The following SPPL2A variants were observed in gnomAD, a reference collection of about 807,000 sequenced individuals.
SPPL2A encodes signal peptide peptidase-like 2A.
In SPPL2A, 51 loss-of-function variants were observed where a neutral mutation model predicts 63.8. That is an observed-to-expected ratio of 0.80 (90% CI 0.64 to 1.01). The LOEUF (loss-of-function observed/expected upper bound fraction) is 1.01, where lower values mean the gene tolerates loss of function less well. Ranked by LOEUF, SPPL2A falls within the 50% of genes least tolerant of loss-of-function variation. The pLI is 0.00. For synonymous variants in SPPL2A, 188 were observed against 205.8 expected, an observed-to-expected ratio of 0.91 and a Z score of 0.74; for missense variants, 553 against 622.7, an observed-to-expected ratio of 0.89 and a Z score of 1.19.
chr15:50,760,611 T>C (rs1015370513), intron 1 of SPPL2A, among the ~76,000 whole-genome samples: 8 of 152,116 alleles, frequency 5.3e-5, no homozygotes, highest in Admixed American at 5.3e-4. Context: ...CCCGTCTTCA[T>C]GAGCTCATCT....
intron 13 of SPPL2A, 73 bp from the exon 14 acceptor site, chr15:50,720,173 T>C: frequency 8.4e-7 from 1 of 1,194,402 alleles, no homozygotes; most frequent in Non-Finnish European, 1.2e-6. Flanking sequence ...CTGTCATTTA[T>C]GTACTGGTTT....
At chr15:50,752,561 T>C (rs2062918014) in intron 1 of SPPL2A, among the ~76,000 whole-genome samples, 1 of 151,896 alleles carries the variant, frequency 6.6e-6, no homozygotes, top group Non-Finnish European at 1.5e-5. Flanking sequence ...GTACTAAAAA[T>C]ACAAGAATTA....
intron 1 of SPPL2A, among the ~76,000 whole-genome samples, chr15:50,754,772 C>T (rs28470795): frequency 9.2e-5 from 14 of 151,662 alleles, no homozygotes; most frequent in Non-Finnish European, 1.0e-4. Context: ...CAACTGAGGT[C>T]GGGTGTTTGA....
chr15:50,709,783 C>G (rs1235099596), intron 14 of SPPL2A, among the ~76,000 whole-genome samples: 1 of 151,498 alleles, frequency 6.6e-6, no homozygotes, highest in African/African-American at 2.4e-5. Context: ...GAGAGAGAGA[C>G]CCTGTCTCAA....
rs1596387346 is a variant in SPPL2A, at chr15:50,736,280, C to T, written c.831-78G>A. The T allele has an allele frequency of 3.8e-5, 33 of 857,516 alleles. No individual in the cohort carries two copies. The East Asian group carries it at 7.9e-4, about 20-fold the overall frequency. The allele number at this position is 857,516 out of a possible 1,614,324, so 53.1% of individuals were successfully genotyped here. On this transcript the variant is annotated intron_variant, in intron 7 of 14. Transcript: ENST00000261854. Reference sequence around the variant, plus strand: ...TGATATAAGAAGTAGCAAATATTAACCACAGTCATAAGAAGTGACTGAAAT... The same window carrying T: ...TGATATAAGAAGTAGCAAATATTAATCACAGTCATAAGAAGTGACTGAAAT...
intron 14 of SPPL2A, among the ~76,000 whole-genome samples, chr15:50,710,012 T>G (rs2062544172): frequency 6.6e-6 from 1 of 152,160 alleles, no homozygotes; most frequent in Admixed American, 6.5e-5. Flanking sequence ...TGTTGAACAT[T>G]TAATTTTAGT....
chr15:50,732,781 G>A, intron 8 of SPPL2A, 97 bp from the exon 9 acceptor site: 1 of 710,808 alleles, frequency 1.4e-6, no homozygotes, highest in African/African-American at 1.8e-5. Flanking sequence ...TAATTGCTAT[G>A]ATTTGACTAT....
intron 10 of SPPL2A, 61 bp from the exon 11 acceptor site, chr15:50,726,438 C>A: frequency 6.7e-7 from 1 of 1,492,290 alleles, no homozygotes; most frequent in South Asian, 1.1e-5. Context: ...TGCCACTATT[C>A]AAGTGTGATT....
chr15:50,745,917 G>A (rs1326824556), intron 5 of SPPL2A, among the ~76,000 whole-genome samples: 3 of 151,874 alleles, frequency 2.0e-5, no homozygotes, highest in Admixed American at 6.6e-5. Flanking sequence ...CAGGCATGGT[G>A]GCAGGCACCT....
chr15:50,726,249 A>C, intron 11 of SPPL2A, 72 bp downstream of exon 11: 1 of 1,532,302 alleles, frequency 6.5e-7, no homozygotes, highest in Non-Finnish European at 9.0e-7. Context: ...TGAATTACAC[A>C]GGAAGGCAAA....
At position 50,704,437 on chromosome 15, in the gene SPPL2A, C is replaced by T. The variant is rs976169872; in HGVS notation, c.*3363G>A. ...CCCACAAGCCTCACATTTATTTTTG[C>T]TAAACTAAACTGAGACAAAAGTAAT... On this transcript the variant is annotated 3_prime_UTR_variant, in exon 15 of 15. Transcript: ENST00000261854. 1 of 150,326 alleles carries T rather than the reference C, an allele frequency of 6.7e-6. No individual in the cohort carries two copies. The highest frequency in any genetic ancestry group is 2.4e-5 in the African/African-American group (1 of 40,918). The allele number at this position is 150,326 out of a possible 1,614,324, so 9.3% of individuals were successfully genotyped here.
intron 6 of SPPL2A, among the ~76,000 whole-genome samples, chr15:50,739,378 C>A (rs2062799781): frequency 6.6e-6 from 1 of 151,888 alleles, no homozygotes; most frequent in African/African-American, 2.4e-5. Context: ...GGAGTTTCTC[C>A]ATGTTGGTCA....
At chr15:50,708,223 T>C (rs540580176) in intron 14 of SPPL2A, among the ~76,000 whole-genome samples, 2 of 152,266 alleles carry the variant, frequency 1.3e-5, no homozygotes, top group South Asian at 4.1e-4. Context: ...CCAGGCAGTG[T>C]CCAATCATAC....
At chr15:50,729,269 T>C (rs763476307) in intron 10 of SPPL2A, among the ~76,000 whole-genome samples, 3 of 152,232 alleles carry the variant, frequency 2.0e-5, no homozygotes, top group Admixed American at 6.5e-5. Context: ...ACAAGTTTAG[T>C]TATAACCCAT....
At chr15:50,716,256 G>A (rs563746057) in intron 14 of SPPL2A, among the ~76,000 whole-genome samples, 148 of 152,112 alleles carry the variant, frequency 9.7e-4, no homozygotes, top group Non-Finnish European at 1.5e-3. Context: ...GTGCAATGGC[G>A]CAATCTCAGC....
Position 50,703,633 on chromosome 15 carries a change from T to C in SPPL2A, c.*4167A>G, listed in dbSNP as rs2062492230. On this transcript the variant is annotated 3_prime_UTR_variant, in exon 15 of 15. Transcript: ENST00000261854. ...GCCTTGGCCTCCCAAAGTGCTGGGA[T>C]TACAGGTGTGAGCCACCGCACCCGG... 2 of 151,736 alleles carry C rather than the reference T, an allele frequency of 1.3e-5. No homozygotes were observed. The highest frequency in any genetic ancestry group is 6.6e-5 in the Admixed American group (1 of 15,182). The allele number at this position is 151,736 out of a possible 1,614,324, so 9.4% of individuals were successfully genotyped here.
At chr15:50,763,413 T>A (rs1056491648) in intron 1 of SPPL2A, among the ~76,000 whole-genome samples, 13 of 152,190 alleles carry the variant, frequency 8.5e-5, no homozygotes, top group Admixed American at 8.5e-4. Context: ...CGAAAAAAGA[T>A]CCTTACAATT....
At chr15:50,737,536 T>C (rs2062780649) in intron 6 of SPPL2A, among the ~76,000 whole-genome samples, 1 of 152,078 alleles carries the variant, frequency 6.6e-6, no homozygotes, top group African/African-American at 2.4e-5. Flanking sequence ...CACCGCAACC[T>C]CCGCCTCCCA....
At chr15:50,716,471 A>T (rs1370924206) in intron 14 of SPPL2A, among the ~76,000 whole-genome samples, 4 of 152,206 alleles carry the variant, frequency 2.6e-5, no homozygotes, top group Non-Finnish European at 5.9e-5. Flanking sequence ...CTGGGATTAC[A>T]GGCGTGAGCC....
Sources: gnomAD v4.1 joint callset for allele counts (sites outside exome capture counted in the v4.1 genomes callset) on GRCh38, gnomAD v4.1.1 for gene constraint, MANE v1.5 for transcripts, NCBI Gene and HGNC (gene_info 2026-07-23, HGNC 2026-07-21) for gene names.